DNAH1: variants seen among roughly 807,000 people sequenced by gnomAD.
DNAH1 encodes axonemal beta dynein heavy chain 1.
DNAH1 carries 327 observed loss-of-function variants against 484.3 expected under a neutral mutation model. The ratio of observed to expected loss-of-function variants is 0.68; its 90% CI spans 0.62 to 0.74. The LOEUF is 0.74. Among genes scored for constraint, DNAH1 ranks in the 30% least tolerant of loss-of-function variants. The pLI is 0.00. For synonymous variants in DNAH1, 2,192 were observed against 2,191.9 expected, an observed-to-expected ratio of 1.00 and a Z score of 0.00; for missense variants, 5,052 against 5,546.8, an observed-to-expected ratio of 0.91 and a Z score of 2.83.
intron 59 of DNAH1, 35 bp from the exon 60 acceptor site, chr3:52,389,426 A>T: frequency 6.2e-7 from 1 of 1,610,262 alleles, no homozygotes; most frequent in Non-Finnish European, 8.5e-7. Flanking sequence ...TGTGAGTGTC[A>T]TGGTGGGGTG....
chr3:52,383,628 A>G (rs752457626), intron 51 of DNAH1, 34 bp downstream of exon 51: 3 of 1,523,480 alleles, frequency 2.0e-6, no homozygotes, highest in Admixed American at 2.0e-5. Context: ...GCGCTGGGGC[A>G]GCGGAGCTGG....
rs202161505 is a variant in DNAH1 at position 52,398,510 on chromosome 3, G to A, written c.12090-340G>A. Among the ~76,000 whole-genome samples, 16 of 152,254 alleles carry A rather than the reference G, an allele frequency of 1.1e-4. No individual in the cohort carries two copies. In the East Asian group the frequency reaches 2.7e-3, roughly 26 times the overall value. ...TCACCATGTTGGCCAGGATGGTCTC[G>A]ATCTCCTGACCTCATGATCCGCCTG... On this transcript the variant is annotated intron_variant, in intron 75 of 77. Transcript: ENST00000420323.
Position 52,360,358 on chromosome 3 carries a change from A to C in DNAH1, c.4619A>C (p.Glu1540Ala). The C allele has an allele frequency of 6.2e-7, 1 of 1,613,974 alleles. No homozygotes were observed. Among genetic ancestry groups the C allele is most frequent in the Non-Finnish European group, 8.5e-7 (1 of 1,179,874 alleles). The stretch of plus-strand genomic sequence containing the variant: ...CTGTATATCCGTGCTGTGAATGCTG[A>C]GTTCATCTATGGCTATGAGTACCTG... ...NDLYIRAVNA[E>A]FIYGYEYLGN... Residue 1540 changes from glutamate (E) to alanine (A), a missense_variant, in exon 28 of 78, where the codon GAG (glutamate) becomes GCG (alanine). Transcript: ENST00000420323.
Position 52,384,965 on chromosome 3 carries a change from CG to C in DNAH1, c.8504del (p.Gly2835AlafsTer12). 1 of 1,612,604 alleles carries C rather than the reference CG, an allele frequency of 6.2e-7. No individual in the cohort carries two copies. Among genetic ancestry groups the C allele is most frequent in the Non-Finnish European group, 8.5e-7 (1 of 1,179,358 alleles). ...LKTAKNRMKSGLDKLLRTSED... is the reference protein window; with the variant it reads ...LKTAKNRMKSXLDKLLRTSED... ...AAACTGCCAAGAACCGCATGAAGAG[CG>C]GCCTCGACAAGGTGGGCCCAGGCGA... is the stretch of plus-strand genomic sequence containing the variant. On this transcript the variant is annotated frameshift_variant, in exon 53 of 78. Transcript: ENST00000420323. LOFTEE classifies it high-confidence loss of function.
intron 7 of DNAH1, among the ~76,000 whole-genome samples, chr3:52,331,619 CTTTTTTTTTTTT>C (rs36097098): frequency 4.5e-5 from 5 of 111,370 alleles, no homozygotes; most frequent in Admixed American, 1.0e-4. Flanking sequence ...AAATACTTTT[CTTTTTTTTTTTT>C]TTTTTTTTTT....
At position 52,400,369 on chromosome 3, in the gene DNAH1, G is replaced by A. The variant is rs1455402786; in HGVS notation, c.12721G>A (p.Val4241Met). The change falls in exon 78 of 78, where the codon GTG becomes ATG. Residue 4241 changes from valine to methionine, a missense_variant. By Grantham distance (21) the Val-to-Met change is conservative (BLOSUM62 1). Coordinates refer to ENST00000420323, the MANE Select transcript of DNAH1 (RefSeq NM_015512.5). ...ACACTCTACCAACTATGTCATTGCT[G>A]TGGAGATCCCCACCCATCAGCCCCA... ...TGHSTNYVIA[V>M]EIPTHQPQRH... is the part of the protein sequence containing the mutation. 6.2e-7 allele frequency: 1 copy of A among 1,614,036 alleles called. No individual in the cohort carries two copies. Among genetic ancestry groups the A allele is most frequent in the Admixed American group, 1.7e-5 (1 of 60,024 alleles).
At chr3:52,351,917 T>C (rs1260843203) in intron 16 of DNAH1, 45 bp from the exon 17 acceptor site, 8 of 1,578,802 alleles carry the variant, frequency 5.1e-6, no homozygotes, top group Non-Finnish European at 6.9e-6. Context: ...ACTCCACCAC[T>C]TCAGCCGCGA....
chr3:52,382,414 C>G lies in DNAH1; in HGVS notation c.7900C>G (p.Leu2634Val), dbSNP rs762889006. The G allele has an allele frequency of 1.2e-5, 20 of 1,614,000 alleles. No individual in the cohort carries two copies. The East Asian group carries it at 1.8e-4, about 14-fold the overall frequency. Residue 2634 changes from leucine (L) to valine (V), a missense_variant, in exon 50 of 78, where the codon CTA (leucine) becomes GTA (valine). Coordinates refer to ENST00000420323, the MANE Select transcript of DNAH1 (RefSeq NM_015512.5). Reference protein sequence around the residue: ...DVKKVLLKAGLQNLPITFLFS... With the variant: ...DVKKVLLKAGVQNLPITFLFS... ...GAAGAAGGTCCTGCTCAAGGCGGGC[C>G]TACAGAACCTACCCATCACCTTCCT...
chr3:52,353,131 A>G lies in DNAH1; in HGVS notation c.3056A>G (p.Glu1019Gly). The G allele has an allele frequency of 1.2e-6, 2 of 1,613,026 alleles. No homozygotes were observed. The highest frequency in any genetic ancestry group is 1.1e-5 in the South Asian group (1 of 90,974). The change falls in exon 19 of 78, where the codon GAG becomes GGG. Residue 1019 changes from glutamate (E) to glycine (G), a missense_variant. Physicochemically the swap from Glu to Gly is moderately conservative, Grantham distance 98. This residue lies in a region of DNAH1 where 2,929 missense variants were observed against 3,409.4 expected (regional missense o/e 0.86). Coordinates refer to ENST00000420323, the MANE Select transcript of DNAH1 (RefSeq NM_015512.5). This position sits in a 1 kb window ranked among gnomAD's most constrained non-coding sequence, Gnocchi z 5.0. Reference protein sequence around the residue: ...NYDKLSRMVKEFQPYLDLWTT... With the variant: ...NYDKLSRMVKGFQPYLDLWTT... ...GACAAGCTCTCCAGGATGGTGAAGG[A>G]GTTCCAACCCTACCTGGACCTTTGG...
Position 52,363,091 on chromosome 3 carries a change from G to A in DNAH1, c.5191G>A (p.Ala1731Thr). 3 of 1,613,982 alleles carry A rather than the reference G, an allele frequency of 1.9e-6. No homozygotes were observed. Among genetic ancestry groups the A allele is most frequent in the Non-Finnish European group, 2.5e-6 (3 of 1,179,848 alleles). ...SFGFNEASVL[A>T]KKITTTFKLS... is the part of the protein sequence containing the mutation. ...TGGCTTTAATGAGGCCAGTGTGCTGGCTAAGAAGATCACAACCACCTTCAA... is the reference window on the plus strand; with the variant it reads ...TGGCTTTAATGAGGCCAGTGTGCTGACTAAGAAGATCACAACCACCTTCAA... Residue 1731 changes from alanine to threonine, a missense_variant, in exon 32 of 78, where the codon GCT (alanine) becomes ACT (threonine). Transcript: ENST00000420323.
Position 52,349,057 on chromosome 3 carries a change from A to G in DNAH1, c.2276A>G (p.Asn759Ser), listed in dbSNP as rs918481447. Residue 759 changes from asparagine (N) to serine (S), a missense_variant, in exon 13 of 78, where the codon AAC becomes AGC. Physicochemically the swap from Asn to Ser is conservative, Grantham distance 46. Around this residue, in one of 4 missense-constraint regions of DNAH1, gnomAD observed 1,263 missense variants for 1,218.8 expected, o/e 1.04. Coordinates refer to ENST00000420323, the MANE Select transcript of DNAH1 (RefSeq NM_015512.5). ...KEYRKYLELN[N>S]NDIASFLKTY... ...TACCGAAAGTACCTGGAGCTGAACA[A>G]CAATGACATTGCCTCCTTTCTCAAG... is the stretch of plus-strand genomic sequence containing the variant. 6.2e-6 allele frequency: 10 copies of G among 1,612,874 alleles called. No individual in the cohort carries two copies. In the African/African-American group the frequency reaches 1.3e-4, roughly 22 times the overall value.
chr3:52,359,801 T>TCAGAGACC, intron 26 of DNAH1, 115 bp from the exon 27 acceptor site: 1 of 1,395,796 alleles, frequency 7.2e-7, no homozygotes, highest in East Asian at 2.3e-5. Context: ...ACTCAGACCA[T>TCAGAGACC]CAGAGACCCC....
intron 51 of DNAH1, 48 bp downstream of exon 51, chr3:52,383,642 T>C (rs376606763): frequency 8.2e-5 from 123 of 1,508,064 alleles, no homozygotes; most frequent in East Asian, 2.0e-4. Flanking sequence ...GAGCTGGGTG[T>C]GTACATGGGC....
rs376786828 is a variant in DNAH1 at position 52,391,433 on chromosome 3, C to T, written c.9892-10C>T. 2 of 1,606,424 alleles carry T rather than the reference C, an allele frequency of 1.2e-6. No individual in the cohort carries two copies. Among genetic ancestry groups the T allele is most frequent in the African/African-American group, 2.7e-5 (2 of 74,672 alleles). On this transcript the variant is annotated splice_polypyrimidine_tract_variant and intron_variant, in intron 62 of 77. Transcript: ENST00000420323. ...CAGGCCACAGTACCCACCGGTCCCA[C>T]CCACCACAGACGTACAAGCAGCAGG...
Position 52,355,167 on chromosome 3 carries a change from C to A in DNAH1, c.3693+112C>A. 9.5e-7 allele frequency: 1 copy of A among 1,054,884 alleles called. No individual in the cohort carries two copies. The highest frequency in any genetic ancestry group is 1.4e-6 in the Non-Finnish European group (1 of 712,886). 65.3% of individuals were successfully genotyped at this position (1,054,884 alleles called of 1,614,324 possible). A position where few individuals can be genotyped will look rare whatever the true frequency, so the allele number is the denominator to read the frequency against. On this transcript the variant is annotated intron_variant, in intron 21 of 77. Transcript: ENST00000420323. The surrounding 1 kb of genome is among the most constrained non-coding windows in gnomAD (Gnocchi z 4.5). ...GTTCAAAGCATCGCAGTGCCTTGCC[C>A]TCATTCACACAGCCCCTGGCTCTCT...
chr3:52,335,172 T>C (rs1701695570), intron 8 of DNAH1, among the ~76,000 whole-genome samples: 1 of 143,104 alleles, frequency 7.0e-6, no homozygotes, highest in African/African-American at 2.7e-5. Context: ...TTTTTTTTGC[T>C]TCTCTCCCGA....
In DNAH1 at chr3:52,400,368, T is replaced by C. The variant is rs1253263834; in HGVS notation, c.12720T>C (p.Ala4240=). The part of the protein sequence containing the change: ...TTGHSTNYVI[A]VEIPTHQPQR... ...GACACTCTACCAACTATGTCATTGC[T>C]GTGGAGATCCCCACCCATCAGCCCC... Residue 4240 remains alanine (A), a synonymous_variant, in exon 78 of 78, where the codon GCT becomes GCC. Coordinates refer to ENST00000420323, the MANE Select transcript of DNAH1 (RefSeq NM_015512.5). 6.2e-7 allele frequency: 1 copy of C among 1,614,058 alleles called. No homozygotes were observed. Among genetic ancestry groups the C allele is most frequent in the South Asian group, 1.1e-5 (1 of 91,088 alleles).
At chr3:52,384,385 C>T (rs1704004518) in intron 52 of DNAH1, among the ~76,000 whole-genome samples, 1 of 152,166 alleles carries the variant, frequency 6.6e-6, no homozygotes, top group Admixed American at 6.5e-5. Context: ...CAACATTTCC[C>T]TACCAGCTGT....
rs200428788 is a variant in DNAH1, at chr3:52,350,038, A to G, written c.2576A>G (p.Asn859Ser). ...AGCCGCAAGATCTATGAGAAGCCCA[A>G]CAGCATTGAGGAGCTGGCTGAGCTG... ...SISRKIYEKPNSIEELAELRE... is the reference protein window; with the variant it reads ...SISRKIYEKPSSIEELAELRE... Residue 859 changes from asparagine (N) to serine (S), a missense_variant, in exon 15 of 78, where the codon AAC becomes AGC. Physicochemically the swap from Asn to Ser is conservative, Grantham distance 46. This residue lies in a region of DNAH1 where 1,263 missense variants were observed against 1,218.8 expected (regional missense o/e 1.04). Coordinates refer to ENST00000420323, the MANE Select transcript of DNAH1 (RefSeq NM_015512.5). 5.9e-4 allele frequency: 945 copies of G among 1,613,288 alleles called. No homozygotes were observed. Among genetic ancestry groups the G allele is most frequent in the Non-Finnish European group, 7.6e-4 (895 of 1,179,792 alleles).
Sources: allele counts gnomAD v4.1 joint callset (sites outside exome capture counted in the v4.1 genomes callset), GRCh38; gene constraint gnomAD v4.1.1; regional missense constraint gnomAD v4.1.1; non-coding constraint Gnocchi (gnomAD v3.1); transcripts MANE v1.5; gene names NCBI Gene and HGNC (gene_info 2026-07-23, HGNC 2026-07-21).